NDRG1: variants seen among roughly 807,000 people sequenced by gnomAD.
The protein encoded by NDRG1 is protein NDRG1.
In NDRG1, 32 loss-of-function variants were observed where a neutral mutation model predicts 56.9. The ratio of observed to expected loss-of-function variants is 0.56; its 90% CI spans 0.42 to 0.76. The LOEUF (loss-of-function observed/expected upper bound fraction) is 0.76. Ranked by LOEUF, NDRG1 falls within the 30% of genes least tolerant of loss-of-function variation. The probability of loss-of-function intolerance (pLI) is 0.00; values close to 1 mark genes in which losing one functional copy is unlikely to be tolerated. For synonymous variants in NDRG1, 211 were observed against 204.1 expected (o/e 1.03, Z -0.29); for missense variants, 507 against 545.7 (o/e 0.93, Z 0.71).
rs191289351 is a variant in NDRG1 at position 133,250,568 on chromosome 8, G to A, written c.595-25C>T. 1.5e-5 allele frequency: 24 copies of A among 1,588,874 alleles called. No individual in the cohort carries two copies. In the East Asian group the frequency reaches 4.9e-4, roughly 33 times the overall value. ...CCTGCATTTAGAGAGGTGAGAAGAT[G>A]GTCCTCATCGCACTGTGGCCCTGAG... On this transcript the variant is annotated intron_variant, in intron 9 of 15. Coordinates refer to ENST00000323851, the MANE Select transcript of NDRG1 (RefSeq NM_006096.4).
intron 13 of NDRG1, among the ~76,000 whole-genome samples, chr8:133,245,183 C>T (rs1338614413): frequency 6.6e-6 from 1 of 152,140 alleles, no homozygotes; most frequent in African/African-American, 2.4e-5. Context: ...TTCCTCCAGG[C>T]GGGGCACTCA....
intron 3 of NDRG1, among the ~76,000 whole-genome samples, chr8:133,279,300 T>C (rs567528771): frequency 7.2e-5 from 11 of 152,340 alleles, no homozygotes; most frequent in African/African-American, 2.4e-4. Flanking sequence ...GATCATCTAC[T>C]AGCCAATGCT....
At chr8:133,247,726 T>C (rs1371187769) in intron 12 of NDRG1, 149 bp downstream of exon 12, 1 of 849,790 alleles carries the variant, frequency 1.2e-6, no homozygotes, top group African/African-American at 1.7e-5. Context: ...GGCTGGGCCC[T>C]CTGCCCAAAG....
rs750779893 is a variant in NDRG1 at position 133,247,877 on chromosome 8, C to T, written c.805G>A (p.Val269Met). ...VGDSSPAVDAVVECNSKLDPT... is the reference protein window; with the variant it reads ...VGDSSPAVDAMVECNSKLDPT... ...AATCAGCTGTGATTTCTACATACCA[C>T]GGCATCCACTGCAGGCGAGCTGTCC... Residue 269 changes from valine to methionine, a missense_variant and splice_region_variant, in exon 12 of 16, where the codon GTG becomes ATG. Physicochemically the swap from Val to Met is conservative, Grantham distance 21 (BLOSUM62 1). Coordinates refer to ENST00000323851, the MANE Select transcript of NDRG1 (RefSeq NM_006096.4). The T allele has an allele frequency of 1.4e-5, 22 of 1,614,092 alleles. No individual in the cohort carries two copies. Among genetic ancestry groups the T allele is most frequent in the South Asian group, 4.4e-5 (4 of 91,078 alleles).
chr8:133,284,415 G>A (rs2130795318), intron 1 of NDRG1, 86 bp from the exon 2 acceptor site: 1 of 1,219,148 alleles, frequency 8.2e-7, no homozygotes, highest in East Asian at 2.3e-5. Context: ...TGGCAAGAAG[G>A]CCAGGCCTGC....
chr8:133,252,960 T>C (rs1191888537), intron 9 of NDRG1, among the ~76,000 whole-genome samples: 1 of 152,192 alleles, frequency 6.6e-6, no homozygotes, highest in African/African-American at 2.4e-5. Context: ...GTTCCCCTGG[T>C]GTACTCGCCA....
chr8:133,257,604 T>C (rs548971380), intron 7 of NDRG1, among the ~76,000 whole-genome samples: 4 of 152,250 alleles, frequency 2.6e-5, no homozygotes, highest in African/African-American at 9.6e-5. Flanking sequence ...ACAGTAAAAA[T>C]GAACCATTAT....
chr8:133,278,752 C>T (rs1857599666), intron 3 of NDRG1, among the ~76,000 whole-genome samples: 1 of 152,144 alleles, frequency 6.6e-6, no homozygotes, highest in Admixed American at 6.5e-5. Flanking sequence ...CCCTCACCAA[C>T]ATCATTAAAA....
intron 1 of NDRG1, among the ~76,000 whole-genome samples, chr8:133,289,935 G>T (rs181481538): frequency 1.3e-5 from 2 of 152,150 alleles, no homozygotes; most frequent in Non-Finnish European, 2.9e-5. Flanking sequence ...CACAGTGTAC[G>T]TCTATGGAGA....
At chr8:133,287,424 C>G (rs1395617182) in intron 1 of NDRG1, among the ~76,000 whole-genome samples, 1 of 152,328 alleles carries the variant, frequency 6.6e-6, no homozygotes, top group African/African-American at 2.4e-5. Context: ...AAAATAACAC[C>G]AGCTATGGTG....
chr8:133,257,202 C>G (rs1342054595), intron 7 of NDRG1, among the ~76,000 whole-genome samples: 1 of 152,130 alleles, frequency 6.6e-6, no homozygotes, highest in Non-Finnish European at 1.5e-5. Context: ...CCTCATCAAT[C>G]AAACAAGGCG....
chr8:133,278,887 CTTTT>C (rs34187643), intron 3 of NDRG1, among the ~76,000 whole-genome samples: 6 of 125,602 alleles, frequency 4.8e-5, no homozygotes, highest in South Asian at 2.6e-4. Context: ...CTCTCTTCTT[CTTTT>C]TTTTTTTTTT....
intron 9 of NDRG1, among the ~76,000 whole-genome samples, chr8:133,251,653 TCA>T (rs991104010): frequency 1.3e-5 from 2 of 152,184 alleles, no homozygotes; most frequent in African/African-American, 4.8e-5. Flanking sequence ...GGAAAATGTG[TCA>T]CACGCTGTGG....
rs1321051818 is a variant in NDRG1, at chr8:133,238,290, CAAGTT to C, written c.*583_*587del. 2.1e-5 allele frequency: 5 copies of C among 232,604 alleles called. No homozygotes were observed. The highest frequency in any genetic ancestry group is 1.1e-4 in the African/African-American group (5 of 45,280). The allele number at this position is 232,604 out of a possible 1,614,324, so 14.4% of individuals were successfully genotyped here. A position where few individuals can be genotyped will look rare whatever the true frequency, so the allele number is the denominator to read the frequency against. The stretch of plus-strand genomic sequence containing the variant: ...CACCAACTTTAAAAATCGGTTTCTT[CAAGTT>C]AACTACGTAGATTTGTTGTTCCAAA... On this transcript the variant is annotated 3_prime_UTR_variant, in exon 16 of 16. Coordinates refer to ENST00000323851, the MANE Select transcript of NDRG1 (RefSeq NM_006096.4).
At chr8:133,241,666 C>T (rs975086908) in intron 15 of NDRG1, 4 of 374,596 alleles carry the variant, frequency 1.1e-5, no homozygotes, top group African/African-American at 8.2e-5. Context: ...CCATCTTCAT[C>T]ATCACTGTAG....
chr8:133,256,917 G>A, intron 7 of NDRG1, 54 bp from the exon 8 acceptor site: 1 of 1,551,706 alleles, frequency 6.4e-7, no homozygotes, highest in East Asian at 2.3e-5. Context: ...GAAACACTAG[G>A]AACTTTCCAA....
chr8:133,284,913 G>T (rs934021374), intron 1 of NDRG1: 1 of 451,202 alleles, frequency 2.2e-6, no homozygotes, highest in South Asian at 1.6e-5. Context: ...GGGAAGAGGG[G>T]CAGAGGAAAA....
chr8:133,264,450 A>C (rs771302430), intron 4 of NDRG1, 97 bp downstream of exon 4: 29 of 1,133,534 alleles, frequency 2.6e-5, no homozygotes, highest in Non-Finnish European at 3.7e-5. Flanking sequence ...GGCAAAAAGA[A>C]ACCACCAGCT....
Position 133,238,682 on chromosome 8 carries a change from C to G in NDRG1, c.*196G>C. 1.5e-6 allele frequency: 1 copy of G among 665,842 alleles called. No individual in the cohort carries two copies. The highest frequency in any genetic ancestry group is 2.5e-6 in the Non-Finnish European group (1 of 401,330). The allele number at this position is 665,842 out of a possible 1,614,324, so 41.2% of individuals were successfully genotyped here. A position where few individuals can be genotyped will look rare whatever the true frequency, so the allele number is the denominator to read the frequency against. ...GAGATGCTTGCTTCCTTCCTTTGGT[C>G]CACCGCCACCCCGCCTTTGGAGAGG... On this transcript the variant is annotated 3_prime_UTR_variant, in exon 16 of 16. Coordinates refer to ENST00000323851, the MANE Select transcript of NDRG1 (RefSeq NM_006096.4).
Sources: allele counts gnomAD v4.1 joint callset (sites outside exome capture counted in the v4.1 genomes callset), GRCh38; gene constraint gnomAD v4.1.1; transcripts MANE v1.5; gene names NCBI Gene and HGNC (gene_info 2026-07-23, HGNC 2026-07-21).